DTNA: variants seen among roughly 807,000 people sequenced by gnomAD.
DTNA encodes the protein dystrobrevin alpha, also known as dystrophin-related protein 3.
A neutral mutation model predicts 100.7 loss-of-function variants in DTNA; 43 were observed. The observed-to-expected ratio is 0.43, with a 90% CI of 0.33 to 0.55. DTNA has a LOEUF of 0.55. DTNA is among the 20% of genes least tolerant of loss of function. The probability of loss-of-function intolerance (pLI) is 0.04; values close to 1 mark genes in which losing one functional copy is unlikely to be tolerated. For synonymous variants in DTNA, 349 were observed against 347.9 expected, an observed-to-expected ratio of 1.00 and a Z score of -0.04; for missense variants, 798 against 953.9, an observed-to-expected ratio of 0.84 and a Z score of 2.15.
intron 1 of DTNA, among the ~76,000 whole-genome samples, chr18:34,581,520 A>G (rs1315169937): frequency 1.3e-5 from 2 of 151,956 alleles, no homozygotes; most frequent in African/African-American, 4.8e-5. Flanking sequence ...GGACAGATAA[A>G]TTTGATAGAG....
intron 5 of DTNA, among the ~76,000 whole-genome samples, chr18:34,811,022 C>G (rs2095476140): frequency 6.6e-6 from 1 of 152,096 alleles, no homozygotes; most frequent in Non-Finnish European, 1.5e-5. Flanking sequence ...ATATTTTGAC[C>G]TTGAAAAATT....
In DTNA at chr18:34,799,904, GC is replaced by G. The variant is rs2095140861; in HGVS notation, c.362+5658del. On this transcript the variant is annotated intron_variant, in intron 4 of 22. Transcript: ENST00000444659. Reference sequence around the variant, plus strand: ...GGAGAAACCCCTAGCAAACTCACCTGCCCCGGCGCTATAAGGAGTACTTTTC... The same window carrying G: ...GGAGAAACCCCTAGCAAACTCACCTGCCCGGCGCTATAAGGAGTACTTTTC... 2.0e-5 allele frequency among the ~76,000 whole-genome samples: 3 copies of G among 152,252 alleles called. No homozygotes were observed. In the South Asian group the frequency reaches 6.2e-4, roughly 32 times the overall value.
At chr18:34,850,775 AAAC>A (rs1294312076) in intron 14 of DTNA, among the ~76,000 whole-genome samples, 3 of 152,230 alleles carry the variant, frequency 2.0e-5, no homozygotes. Flanking sequence ...CATTTTTGTA[AAAC>A]AACACCAAAT....
intron 1 of DTNA, among the ~76,000 whole-genome samples, chr18:34,656,069 T>A (rs576480260): frequency 2.1e-3 from 326 of 152,358 alleles, no homozygotes; most frequent in African/African-American, 7.7e-3. Context: ...TCAAATTATG[T>A]GAATATATTT....
intron 1 of DTNA, among the ~76,000 whole-genome samples, chr18:34,495,014 G>C (rs1485540255): frequency 6.6e-6 from 1 of 152,072 alleles, no homozygotes; most frequent in Non-Finnish European, 1.5e-5. Flanking sequence ...CAAGGGAGTA[G>C]GTAATGTTAT....
At chr18:34,802,248 T>C (rs1472941223) in intron 4 of DTNA, among the ~76,000 whole-genome samples, 1 of 152,244 alleles carries the variant, frequency 6.6e-6, no homozygotes, top group Non-Finnish European at 1.5e-5. Context: ...CTTCCTGGGT[T>C]GCAGCTGACA....
At chr18:34,698,031 A>C (rs2080829390) in intron 1 of DTNA, among the ~76,000 whole-genome samples, 1 of 152,190 alleles carries the variant, frequency 6.6e-6, no homozygotes, top group Non-Finnish European at 1.5e-5. Context: ...ACTCCTTCAC[A>C]CAATGCGTCA....
chr18:34,700,237 CA>C (rs2081184617), intron 1 of DTNA, among the ~76,000 whole-genome samples: 1 of 152,104 alleles, frequency 6.6e-6, no homozygotes, highest in African/African-American at 2.4e-5. Context: ...TCATCATATC[CA>C]GAAAAATATT....
chr18:34,877,879 A>G (rs569122475), intron 19 of DTNA, 71 bp downstream of exon 19: 2 of 1,259,680 alleles, frequency 1.6e-6, no homozygotes, highest in Admixed American at 3.4e-5. Flanking sequence ...GGTCTCTCTT[A>G]GAGATCTGCT....
intron 13 of DTNA, among the ~76,000 whole-genome samples, chr18:34,842,897 TTGGTTGGTTGGTGGC>T (rs1264930913): frequency 2.6e-5 from 4 of 152,120 alleles, no homozygotes; most frequent in Non-Finnish European, 5.9e-5. Flanking sequence ...GACTGGTTAG[TTGGTTGGTTGGTGGC>T]TGGTTGGTTG....
intron 13 of DTNA, among the ~76,000 whole-genome samples, chr18:34,844,622 A>T (rs1317422914): frequency 1.3e-5 from 2 of 152,186 alleles, no homozygotes; most frequent in Non-Finnish European, 2.9e-5. Context: ...TTCTAGTGAT[A>T]AAATTCCCAT....
intron 14 of DTNA, 124 bp from the exon 15 acceptor site, chr18:34,851,707 T>C: frequency 1.8e-6 from 2 of 1,096,818 alleles, no homozygotes; most frequent in Admixed American, 4.1e-5. Context: ...TTTATGTATT[T>C]GCTTTCTTTG....
Position 34,866,143 on chromosome 18 carries a change from C to T in DTNA, c.1743+2081C>T, listed in dbSNP as rs1489663966. The T allele has an allele frequency of 4.3e-6, 7 of 1,614,116 alleles. No individual in the cohort carries two copies. The South Asian group carries it at 7.7e-5, about 18-fold the overall frequency. On this transcript the variant is annotated intron_variant, in intron 17 of 22. Coordinates refer to ENST00000444659, the MANE Select transcript of DTNA (RefSeq NM_001386795.1). ...AACTGAAGCAGGGAGTAAGTTATGT[C>T]CCCTACTGCAGGTCTTAACTAACAG...
chr18:34,664,616 T>G (rs2075650426), intron 1 of DTNA, among the ~76,000 whole-genome samples: 1 of 152,094 alleles, frequency 6.6e-6, no homozygotes, highest in Non-Finnish European at 1.5e-5. Context: ...GAATAGGGTT[T>G]GAGGAAGGGG....
chr18:34,662,488 A>G (rs527338782), intron 1 of DTNA, among the ~76,000 whole-genome samples: 2 of 152,284 alleles, frequency 1.3e-5, no homozygotes, highest in African/African-American at 4.8e-5. Flanking sequence ...AATGTCTCTC[A>G]TGACTGATTA....
Position 34,794,124 on chromosome 18 carries a change from C to A in DTNA, c.236C>A (p.Ser79Tyr). 6.2e-7 allele frequency: 1 copy of A among 1,614,160 alleles called. No homozygotes were observed. Among genetic ancestry groups the A allele is most frequent in the Non-Finnish European group, 8.5e-7 (1 of 1,180,024 alleles). ...NLDPNTELNVSRLEAVLSTIF... is the reference protein window; with the variant it reads ...NLDPNTELNVYRLEAVLSTIF... ...GACCCAAACACTGAACTCAACGTGT[C>A]CCGCTTAGAGGCTGTGCTCTCCACT... Residue 79 changes from serine to tyrosine, a missense_variant, in exon 4 of 23, where the codon TCC (serine) becomes TAC (tyrosine). Ser to Tyr is a moderately radical substitution (Grantham distance 144). Transcript: ENST00000444659.
intron 1 of DTNA, among the ~76,000 whole-genome samples, chr18:34,670,882 A>G (rs1368165051): frequency 1.3e-5 from 2 of 152,050 alleles, no homozygotes; most frequent in Non-Finnish European, 1.5e-5. Context: ...GACCCACTTG[A>G]GGAGGCAGTC....
At chr18:34,694,472 A>G (rs918710456) in intron 1 of DTNA, among the ~76,000 whole-genome samples, 5 of 152,214 alleles carry the variant, frequency 3.3e-5, no homozygotes, top group African/African-American at 1.2e-4. Flanking sequence ...AGTTTATTTT[A>G]GTGAAATCTT....
intron 11 of DTNA, among the ~76,000 whole-genome samples, chr18:34,836,271 A>G (rs1370344831): frequency 1.3e-5 from 2 of 152,226 alleles, no homozygotes; most frequent in South Asian, 2.1e-4. Flanking sequence ...ACAGTTTTAA[A>G]AGGAAAACAT....
Sources: gnomAD v4.1 joint callset for allele counts (sites outside exome capture counted in the v4.1 genomes callset) on GRCh38, gnomAD v4.1.1 for gene constraint, MANE v1.5 for transcripts, NCBI Gene and HGNC (gene_info 2026-07-23, HGNC 2026-07-21) for gene names.